HELLS: variants seen among roughly 807,000 people sequenced by gnomAD.
HELLS encodes the protein helicase, lymphoid specific.
HELLS carries 32 observed loss-of-function variants against 120.0 expected under a neutral mutation model. That is an observed-to-expected ratio of 0.27 (90% CI 0.20 to 0.36). HELLS has a LOEUF of 0.36. Ranked by LOEUF, HELLS falls within the 10% of genes least tolerant of loss-of-function variation. The pLI is 1.00. For missense variants in HELLS, 650 were observed against 993.4 expected (o/e 0.65, Z 4.65); for synonymous variants, 341 against 323.4 (o/e 1.05, Z -0.58).
chr10:94,567,824 C>A (rs919335990), intron 6 of HELLS, among the ~76,000 whole-genome samples: 2 of 151,964 alleles, frequency 1.3e-5, no homozygotes, highest in African/African-American at 4.8e-5. Flanking sequence ...GAGAGGATCA[C>A]CTGAGCCTGG....
intron 9 of HELLS, among the ~76,000 whole-genome samples, chr10:94,608,974 C>T (rs1004090653): frequency 1.4e-5 from 2 of 146,692 alleles, no homozygotes; most frequent in Admixed American, 6.8e-5. Flanking sequence ...ATCTTGCAAG[C>T]GCTAGCTTGA....
chr10:94,610,182 GA>G (rs1192333134), exon 10 of HELLS: 3 of 152,236 alleles, frequency 2.0e-5, no homozygotes, highest in Admixed American at 2.0e-4. Flanking sequence ...CCATGAGATT[GA>G]GCATCTTGTT....
intron 10 of HELLS, among the ~76,000 whole-genome samples, chr10:94,579,185 G>A (rs1054439102): frequency 6.8e-6 from 1 of 147,776 alleles, no homozygotes; most frequent in South Asian, 2.2e-4. Flanking sequence ...TTCTACCTGA[G>A]AACTACTACT....
chr10:94,611,550 C>T (rs1314896324), exon 10 of HELLS: 1 of 152,196 alleles, frequency 6.6e-6, no homozygotes, highest in Non-Finnish European at 1.5e-5. Context: ...TATTCTACCT[C>T]AAACACTAAT....
At chr10:94,605,236 C>G (rs953137487), downstream of HELLS, among the ~76,000 whole-genome samples, 1 of 152,008 alleles carries the variant, frequency 6.6e-6, no homozygotes, top group South Asian at 2.1e-4. Flanking sequence ...GCGCCCACCA[C>G]CATGCCCAGC....
At chr10:94,558,285 ATTTT>A (rs1843364762) in intron 4 of HELLS, 90 bp downstream of exon 4, 12 of 1,417,638 alleles carry the variant, frequency 8.5e-6, no homozygotes, top group Non-Finnish European at 1.0e-5. Context: ...CATCTGTTTA[ATTTT>A]AAGTTTCTTT....
intron 10 of HELLS, among the ~76,000 whole-genome samples, chr10:94,577,813 G>A (rs1844578144): frequency 6.6e-6 from 1 of 152,090 alleles, no homozygotes; most frequent in South Asian, 2.1e-4. Context: ...TGTAATCCCA[G>A]CACTTTGGGA....
rs142229138 is a variant in HELLS, at chr10:94,583,711, A to G, written c.1326+652A>G. Among the ~76,000 whole-genome samples the G allele has an allele frequency of 2.9e-3, 428 of 148,768 alleles. 1 individual carries two copies. The highest frequency in any genetic ancestry group is 0.011 in the African/African-American group (411 of 38,236). ...CAAACTCTTTTCTGTCTTTGTGTAA[A>G]CACGTGTGTTTTATCTATATTTTAT... is the stretch of plus-strand genomic sequence containing the variant. On this transcript the variant is annotated intron_variant, in intron 12 of 21. Transcript: ENST00000348459.
rs763264264 is a variant in HELLS, at chr10:94,545,875, G to A, written c.-47G>A. The A allele has an allele frequency of 2.6e-6, 4 of 1,549,506 alleles. No individual in the cohort carries two copies. Among genetic ancestry groups the A allele is most frequent in the South Asian group, 1.2e-5 (1 of 84,046 alleles). On this transcript the variant is annotated 5_prime_UTR_variant, in exon 1 of 22. Coordinates refer to ENST00000348459, the MANE Select transcript of HELLS (RefSeq NM_018063.5). ...TTGTGAGGAGTTAGCTCGCGGCATT[G>A]CAGGCTCTGAGAGGAGGGGACCCGG... is the stretch of plus-strand genomic sequence containing the variant.
In HELLS at chr10:94,576,681, A is replaced by G; in HGVS notation, c.908A>G (p.His303Arg). The G allele has an allele frequency of 1.2e-6, 2 of 1,603,856 alleles. No homozygotes were observed. Among genetic ancestry groups the G allele is most frequent in the Non-Finnish European group, 8.5e-7 (1 of 1,171,790 alleles). The change falls in exon 10 of 22, where the codon CAT (histidine) becomes CGT (arginine). Residue 303 changes from histidine to arginine, a missense_variant. Physicochemically the swap from His to Arg is conservative, Grantham distance 29. Coordinates refer to ENST00000348459, the MANE Select transcript of HELLS (RefSeq NM_018063.5). ...FTPDIPTMLY[H>R]GTQEERQKLV... ...TTTCAGATCCCTACAATGTTATATC[A>G]TGGAACCCAGGAGGAACGTCAAAAA... is the stretch of plus-strand genomic sequence containing the variant.
Position 94,565,065 on chromosome 10 carries a change from A to G in HELLS, c.435+2189A>G, listed in dbSNP as rs944584639. 2.0e-5 allele frequency among the ~76,000 whole-genome samples: 3 copies of G among 152,216 alleles called. No homozygotes were observed. In the South Asian group the frequency reaches 6.2e-4, roughly 31 times the overall value. ...AAATAATCGTCAGGGGGCCGGGAGCAGTGGCTCACGCCTGTAATCCCAGCA... is the reference window on the plus strand; with the variant it reads ...AAATAATCGTCAGGGGGCCGGGAGCGGTGGCTCACGCCTGTAATCCCAGCA... On this transcript the variant is annotated intron_variant, in intron 6 of 21. Coordinates refer to ENST00000348459, the MANE Select transcript of HELLS (RefSeq NM_018063.5).
At chr10:94,607,254 CTCTA>C (rs1846139147) in intron 8 of HELLS, among the ~76,000 whole-genome samples, 1 of 152,056 alleles carries the variant, frequency 6.6e-6, no homozygotes, top group Non-Finnish European at 1.5e-5. Context: ...TAGTGAAAAC[CTCTA>C]TCTAACACTG....
Position 94,580,179 on chromosome 10 carries a change from ACACACAT to A in HELLS, c.1033-1146_1033-1140del, listed in dbSNP as rs1354638616. Among the ~76,000 whole-genome samples, 483 of 115,496 alleles carry A rather than the reference ACACACAT, an allele frequency of 4.2e-3. 12 individuals are homozygous for A. Among genetic ancestry groups the A allele is most frequent in the African/African-American group, 0.015 (461 of 30,296 alleles). 75.8% of individuals were successfully genotyped at this position (115,496 alleles called of 152,430 possible). ...TATATATATACACACACACACACAC[ACACACAT>A]TTTTTTTTTTTTTTTTTTGAGACAG... On this transcript the variant is annotated intron_variant, in intron 10 of 21. Transcript: ENST00000348459.
chr10:94,571,434 GA>G lies in HELLS; in HGVS notation c.477+8del. The G allele has an allele frequency of 6.7e-7, 1 of 1,496,512 alleles. No individual in the cohort carries two copies. The highest frequency in any genetic ancestry group is 9.2e-7 in the Non-Finnish European group (1 of 1,086,226). The allele number at this position is 1,496,512 out of a possible 1,614,324, so 92.7% of individuals were successfully genotyped here. On this transcript the variant is annotated splice_donor_region_variant and intron_variant, in intron 7 of 21. Transcript: ENST00000348459. ...AAAAATAAAAAGGAGAATGAGGTAA[GA>G]AATTTATAATGTAAGATTAAGTTTA...
intron 9 of HELLS, among the ~76,000 whole-genome samples, chr10:94,609,160 A>G (rs979297639): frequency 6.6e-6 from 1 of 151,808 alleles, no homozygotes; most frequent in Non-Finnish European, 1.5e-5. Context: ...AGTAGGTGGC[A>G]TTACAGGCAT....
Position 94,581,322 on chromosome 10 carries a change from C to T in HELLS, c.1033-4C>T. 1 of 1,508,752 alleles carries T rather than the reference C, an allele frequency of 6.6e-7. No homozygotes were observed. The highest frequency in any genetic ancestry group is 8.9e-7 in the Non-Finnish European group (1 of 1,123,240). The allele number at this position is 1,508,752 out of a possible 1,614,324, so 93.5% of individuals were successfully genotyped here. ...AAAATCTTTTTCCTCAATTCGTTTT[C>T]TAGCATTGCTATTGGAAATACTTAA... On this transcript the variant is annotated splice_polypyrimidine_tract_variant and splice_region_variant and intron_variant, in intron 10 of 21. Transcript: ENST00000348459.
intron 21 of HELLS, 85 bp downstream of exon 21, chr10:94,597,196 C>G (rs1283034965): frequency 5.6e-6 from 4 of 719,754 alleles, no homozygotes; most frequent in East Asian, 2.6e-5. Context: ...GCAATTCATT[C>G]AGCCACATGT....
At chr10:94,576,889 A>G in intron 10 of HELLS, 84 bp downstream of exon 10, 1 of 1,262,832 alleles carries the variant, frequency 7.9e-7, no homozygotes, top group Non-Finnish European at 1.1e-6. Flanking sequence ...ATCTGGGAGC[A>G]TTTGTCTAAT....
intron 4 of HELLS, 57 bp from the exon 5 acceptor site, chr10:94,562,634 C>T (rs1195380621): frequency 9.2e-6 from 11 of 1,191,148 alleles, no homozygotes; most frequent in African/African-American, 7.7e-5. Flanking sequence ...TGCCTTTTAA[C>T]GTATAATACT....
Sources: allele counts gnomAD v4.1 joint callset (sites outside exome capture counted in the v4.1 genomes callset), GRCh38; gene constraint gnomAD v4.1.1; transcripts MANE v1.5; gene names NCBI Gene and HGNC (gene_info 2026-07-23, HGNC 2026-07-21).